The following HTR2C variants were observed in gnomAD, a reference collection of about 807,000 sequenced individuals.
HTR2C encodes 5-hydroxytryptamine receptor 2C.
A neutral mutation model predicts 21.0 loss-of-function variants in HTR2C; 5 were observed. That is an observed-to-expected ratio of 0.24 (90% CI 0.12 to 0.50). The LOEUF (loss-of-function observed/expected upper bound fraction) is 0.50. Among genes scored for constraint, HTR2C ranks in the 20% least tolerant of loss-of-function variants. The pLI, the probability that HTR2C is intolerant of heterozygous loss-of-function variation, is 0.98. For synonymous variants in HTR2C, 150 were observed against 145.3 expected, an observed-to-expected ratio of 1.03 and a Z score of -0.23; for missense variants, 271 against 371.2, an observed-to-expected ratio of 0.73 and a Z score of 2.22.
intron 3 of HTR2C, 62 bp downstream of exon 3, chrX:114,727,033 C>T: frequency 1.5e-6 from 1 of 688,876 alleles, no homozygotes; most frequent in Non-Finnish European, 2.1e-6. Flanking sequence ...GCTTGCTCAA[C>T]ATGTTAAAAA....
Position 114,657,680 on chromosome X carries a change from TC to T in HTR2C, c.-80+43800del, listed in dbSNP as rs782681283. On this transcript the variant is annotated intron_variant, in intron 2 of 5. Transcript: ENST00000276198. ...TCAAATTCTTCAAGAGAGGTAATTATCTTTTTATTCTCATTTTTTTATATAT... is the reference window on the plus strand; with the variant it reads ...TCAAATTCTTCAAGAGAGGTAATTATTTTTTATTCTCATTTTTTTATATAT... Among the ~76,000 whole-genome samples, 13 of 111,555 alleles carry T rather than the reference TC, an allele frequency of 1.2e-4. No homozygotes were observed. In the East Asian group the frequency reaches 3.6e-3, roughly 31 times the overall value.
At chrX:114,692,900 G>T (rs1291219476) in intron 2 of HTR2C, among the ~76,000 whole-genome samples, 2 of 111,286 alleles carry the variant, frequency 1.8e-5, no homozygotes, top group Non-Finnish European at 3.8e-5. Flanking sequence ...TATGTACAAA[G>T]CACTGTATGA....
At chrX:114,827,520 C>T (rs191234183) in intron 4 of HTR2C, among the ~76,000 whole-genome samples, 6 of 110,644 alleles carry the variant, frequency 5.4e-5, no homozygotes, top group Non-Finnish European at 7.6e-5. Flanking sequence ...AGATATTTAC[C>T]GTTTCTGTTG....
chrX:114,633,955 G>T (rs1398006643), intron 2 of HTR2C, among the ~76,000 whole-genome samples: 1 of 107,537 alleles, frequency 9.3e-6, no homozygotes, highest in Non-Finnish European at 1.9e-5. Flanking sequence ...TATAGAGAGA[G>T]AGAGAGAGAT....
At chrX:114,836,692 G>A (rs2070788850) in intron 4 of HTR2C, among the ~76,000 whole-genome samples, 1 of 112,236 alleles carries the variant, frequency 8.9e-6, no homozygotes. Context: ...GGGAGCTGTA[G>A]ACCAGAGCTG....
At chrX:114,643,605 A>G (rs1347062958) in intron 2 of HTR2C, among the ~76,000 whole-genome samples, 2 of 111,341 alleles carry the variant, frequency 1.8e-5, no homozygotes, top group African/African-American at 6.5e-5. Flanking sequence ...AATCCGTTTT[A>G]ACAGGATTAA....
At chrX:114,801,513 A>G (rs1300226642) in intron 4 of HTR2C, among the ~76,000 whole-genome samples, 2 of 111,302 alleles carry the variant, frequency 1.8e-5, no homozygotes, top group Non-Finnish European at 3.8e-5. Context: ...TAGAAAATAA[A>G]CACTGGCTCC....
At chrX:114,877,529 A>T (rs1443492040) in intron 5 of HTR2C, among the ~76,000 whole-genome samples, 1 of 110,237 alleles carries the variant, frequency 9.1e-6, no homozygotes, top group African/African-American at 3.3e-5. Context: ...TCCTTGGTGT[A>T]GAGTTATTTA....
chrX:114,806,247 T>C (rs868976046), intron 4 of HTR2C, among the ~76,000 whole-genome samples: 12 of 95,528 alleles, frequency 1.3e-4, no homozygotes, highest in Non-Finnish European at 2.2e-4. Flanking sequence ...ATATATACCA[T>C]ATATATACAC....
chrX:114,807,457 C>T (rs1201075712), intron 4 of HTR2C, among the ~76,000 whole-genome samples: 11 of 25,672 alleles, frequency 4.3e-4, no homozygotes, highest in South Asian at 7.3e-3. Context: ...CATATATATA[C>T]GCCATATATA....
rs782189149 is a variant in HTR2C at position 114,605,397 on chromosome X, A to G, written c.-146-8418A>G. Among the ~76,000 whole-genome samples, 930 of 110,469 alleles carry G rather than the reference A, an allele frequency of 8.4e-3. 12 individuals carry two copies. Among genetic ancestry groups the G allele is most frequent in the African/African-American group, 0.029 (866 of 30,215 alleles). On this transcript the variant is annotated intron_variant, in intron 1 of 5. Coordinates refer to ENST00000276198, the MANE Select transcript of HTR2C (RefSeq NM_000868.4). ...GAGAGGTCAGATGGGTCTGTAGAAA[A>G]GGAAGATTAGACAGACTCAGCAATG...
intron 5 of HTR2C, among the ~76,000 whole-genome samples, chrX:114,876,685 A>G (rs1297509186): frequency 1.8e-5 from 2 of 110,190 alleles, no homozygotes; most frequent in Non-Finnish European, 3.8e-5. Context: ...TTCTGAATCT[A>G]TTGAGATCGA....
rs1556448827 is a variant in HTR2C at position 114,805,803 on chromosome X, G to GTATATACACCA, written c.350-42193_350-42183dup. On this transcript the variant is annotated intron_variant, in intron 4 of 5. Transcript: ENST00000276198. Reference sequence around the variant, plus strand: ...TGTATATACACCATATATATACCATGTATATACACCATATATATACCATAT... The same window carrying GTATATACACCA: ...TGTATATACACCATATATATACCATGTATATACACCATATATACACCATATATATACCATAT... Among the ~76,000 whole-genome samples the GTATATACACCA allele has an allele frequency of 1.5e-3, 130 of 86,420 alleles. 1 individual carries two copies. The highest frequency in any genetic ancestry group is 6.0e-3 in the African/African-American group (116 of 19,453). The allele number at this position is 86,420 out of a possible 115,157, so 75.0% of individuals were successfully genotyped here.
chrX:114,792,583 G>A (rs1276909784), intron 4 of HTR2C, among the ~76,000 whole-genome samples: 1 of 111,643 alleles, frequency 9.0e-6, no homozygotes, highest in African/African-American at 3.3e-5. Flanking sequence ...ATAAACATAC[G>A]TGTGCATGTA....
At position 114,907,290 on chromosome X, in the gene HTR2C, C is replaced by T. The variant is rs201339376; in HGVS notation, c.1252C>T (p.His418Tyr). ...GRELNVNIYR[H>Y]TNEPVIEKAS... ...GGAGCTTAATGTTAACATTTATCGGCATACCAATGAACCGGTGATCGAGAA... is the reference window on the plus strand; with the variant it reads ...GGAGCTTAATGTTAACATTTATCGGTATACCAATGAACCGGTGATCGAGAA... The change falls in exon 6 of 6, where the codon CAT becomes TAT. Residue 418 changes from histidine to tyrosine, a missense_variant. Physicochemically the swap from His to Tyr is moderately conservative, Grantham distance 83. Transcript: ENST00000276198. 4.1e-6 allele frequency: 5 copies of T among 1,210,424 alleles called. No individual in the cohort carries two copies. The highest frequency in any genetic ancestry group is 5.6e-6 in the Non-Finnish European group (5 of 894,459).
intron 4 of HTR2C, among the ~76,000 whole-genome samples, chrX:114,804,241 C>T (rs1556447977): frequency 1.8e-5 from 2 of 111,805 alleles, no homozygotes; most frequent in Non-Finnish European, 3.8e-5. Context: ...GTCTCAAAGT[C>T]CACACTTATT....
intron 2 of HTR2C, among the ~76,000 whole-genome samples, chrX:114,646,010 C>T: frequency 8.9e-6 from 1 of 111,816 alleles, no homozygotes; most frequent in Non-Finnish European, 1.9e-5. Context: ...GATTTTTGTA[C>T]TTGAACTTAA....
intron 4 of HTR2C, among the ~76,000 whole-genome samples, chrX:114,816,906 G>C (rs1556454688): frequency 1.9e-5 from 2 of 103,131 alleles, no homozygotes; most frequent in East Asian, 6.3e-4. Context: ...TAATAGAATA[G>C]AATATTTATC....
chrX:114,623,906 G>GTTTTTTTTTT (rs35930521), intron 2 of HTR2C, among the ~76,000 whole-genome samples: 3 of 69,381 alleles, frequency 4.3e-5, no homozygotes, highest in Non-Finnish European at 7.5e-5. Flanking sequence ...TTTTGTTGTT[G>GTTTTTTTTTT]TTTTTTTTTT....
Sources: allele counts gnomAD v4.1 joint callset (sites outside exome capture counted in the v4.1 genomes callset), GRCh38; gene constraint gnomAD v4.1.1; transcripts MANE v1.5; gene names NCBI Gene and HGNC (gene_info 2026-07-23, HGNC 2026-07-21).